Variants in CAST observed in about 807,000 individuals in gnomAD.
The protein encoded by CAST is MIR583 host.
In CAST, 76 loss-of-function variants were observed where a neutral mutation model predicts 119.6. The observed-to-expected ratio is 0.64, with a 90% CI of 0.53 to 0.77. CAST has a LOEUF of 0.77. CAST is among the 30% of genes least tolerant of loss of function. The pLI is 0.00. For missense variants in CAST, 953 were observed against 946.5 expected (o/e 1.01, Z -0.09); for synonymous variants, 319 against 331.6 (o/e 0.96, Z 0.41).
the CAST span, among the ~76,000 whole-genome samples, chr5:96,499,066 A>T: frequency 7.9e-5 from 12 of 152,040 alleles, no homozygotes; most frequent in South Asian, 2.3e-3. Flanking sequence ...AAAAGAAAAC[A>T]TTGGCAAGCT....
chr5:96,033,687 A>G, the CAST span, among the ~76,000 whole-genome samples: 2 of 152,174 alleles, frequency 1.3e-5, no homozygotes, highest in Non-Finnish European at 2.9e-5. Context: ...ACCTCAAACT[A>G]TGAAACTACT....
At chr5:96,637,286 A>AC (rs2150202731) in intron 1 of CAST, among the ~76,000 whole-genome samples, 1 of 152,322 alleles carries the variant, frequency 6.6e-6, no homozygotes, top group East Asian at 1.9e-4. Flanking sequence ...ACAAATGAGA[A>AC]ACTAAAGCAC....
At chr5:96,372,698 TC>T in the CAST span, among the ~76,000 whole-genome samples, 1 of 152,286 alleles carries the variant, frequency 6.6e-6, no homozygotes, top group African/African-American at 2.4e-5. Flanking sequence ...CCACACACCT[TC>T]CTGAGAATCC....
chr5:96,325,016 C>G, the CAST span, among the ~76,000 whole-genome samples: 1 of 152,028 alleles, frequency 6.6e-6, no homozygotes, highest in Non-Finnish European at 1.5e-5. Flanking sequence ...ACTAGCCTTG[C>G]CAACATGGTG....
chr5:95,961,660 C>G, the CAST span: 1 of 1,609,792 alleles, frequency 6.2e-7, no homozygotes, highest in African/African-American at 1.3e-5. Flanking sequence ...CTGCCCCAGC[C>G]GTCCGCACGA....
the CAST span, among the ~76,000 whole-genome samples, chr5:96,009,393 C>T: frequency 6.6e-6 from 1 of 152,310 alleles, no homozygotes; most frequent in Admixed American, 6.5e-5. Context: ...CTGCTTTCCA[C>T]AGTGACTGAA....
At chr5:96,730,055 A>AC (rs1339592011) in intron 8 of CAST, among the ~76,000 whole-genome samples, 5 of 151,942 alleles carry the variant, frequency 3.3e-5, no homozygotes, top group South Asian at 2.1e-4. Flanking sequence ...TGCCTCCTGG[A>AC]CCCCCCACAC....
the CAST span, among the ~76,000 whole-genome samples, chr5:96,159,201 A>G: frequency 6.6e-6 from 1 of 152,164 alleles, no homozygotes; most frequent in Admixed American, 6.5e-5. Context: ...GATGATACAG[A>G]TATGGTCAAG....
Position 96,669,133 on chromosome 5 carries a change from A to G in CAST, c.76-6406A>G, listed in dbSNP as rs145206939. ...TGAACACAGCAGAAGTGGAACAAGG[A>G]ATCCACCTGAAGGCAGACAGTTCTA... On this transcript the variant is annotated intron_variant, in intron 1 of 31. Coordinates refer to ENST00000675179, the MANE Select transcript of CAST (RefSeq NM_001750.7). 2.9e-3 allele frequency among the ~76,000 whole-genome samples: 442 copies of G among 152,364 alleles called. 2 individuals carry two copies. The highest frequency in any genetic ancestry group is 0.01 in the African/African-American group (430 of 41,578).
At chr5:95,989,457 T>G in the CAST span, among the ~76,000 whole-genome samples, 891 of 152,302 alleles carry the variant, frequency 5.9e-3, 9 homozygotes, top group African/African-American at 0.021. Flanking sequence ...GAAGCCGTAT[T>G]GGTTCATATA....
chr5:96,078,274 T>G, the CAST span, among the ~76,000 whole-genome samples: 1 of 152,174 alleles, frequency 6.6e-6, no homozygotes, highest in South Asian at 2.1e-4. Context: ...CACAAACATT[T>G]AGTTCTTAAC....
the CAST span, among the ~76,000 whole-genome samples, chr5:96,507,201 G>C: frequency 4.6e-5 from 7 of 152,092 alleles, no homozygotes; most frequent in Admixed American, 6.5e-5. Flanking sequence ...GAAGGAGCCA[G>C]CTGCATTCAC....
the CAST span, among the ~76,000 whole-genome samples, chr5:96,372,081 C>T: frequency 2.0e-5 from 3 of 152,074 alleles, no homozygotes; most frequent in Admixed American, 6.5e-5. Flanking sequence ...CATGAAGCAA[C>T]GTTCACCCCA....
intron 2 of CAST, 42 bp downstream of exon 2, chr5:96,675,643 A>C (rs758356777): frequency 9.2e-6 from 13 of 1,413,584 alleles, no homozygotes; most frequent in Non-Finnish European, 1.3e-5. Flanking sequence ...TCTTGCTTTT[A>C]AACTGTGAAG....
At chr5:96,181,489 G>T in the CAST span, among the ~76,000 whole-genome samples, 1 of 152,144 alleles carries the variant, frequency 6.6e-6, no homozygotes, top group East Asian at 1.9e-4. Flanking sequence ...TTCCAAACAG[G>T]TTAGCAAAAT....
At chr5:96,588,336 G>A (rs1447572568) in intron 1 of CAST, among the ~76,000 whole-genome samples, 4 of 150,742 alleles carry the variant, frequency 2.7e-5, no homozygotes, top group Non-Finnish European at 5.9e-5. Flanking sequence ...CGAGTAGCTG[G>A]GACTACAGGC....
chr5:96,188,123 A>G, the CAST span, among the ~76,000 whole-genome samples: 1 of 152,166 alleles, frequency 6.6e-6, no homozygotes, highest in Non-Finnish European at 1.5e-5. Flanking sequence ...ATATAGGTCT[A>G]AGCCTTTTTA....
chr5:96,493,642 A>G, the CAST span, among the ~76,000 whole-genome samples: 1 of 152,240 alleles, frequency 6.6e-6, no homozygotes. Context: ...CACAGGAAGT[A>G]GTTTAGAGTC....
chr5:96,662,928 G>A (rs535484856), intron 1 of CAST: 1 of 588,746 alleles, frequency 1.7e-6, no homozygotes, highest in Admixed American at 3.1e-5. Context: ...AACCAGCCTC[G>A]AGCCAAATTG....
Sources: allele counts gnomAD v4.1 joint callset (sites outside exome capture counted in the v4.1 genomes callset), GRCh38; gene constraint gnomAD v4.1.1; transcripts MANE v1.5; gene names NCBI Gene and HGNC (gene_info 2026-07-23, HGNC 2026-07-21).